Variants in CATSPERB observed in about 807,000 individuals in gnomAD.
CATSPERB encodes catsper channel auxiliary subunit beta, also known as cation channel sperm-associated auxiliary subunit beta.
In CATSPERB, 93 loss-of-function variants were observed where a neutral mutation model predicts 128.3. The observed-to-expected ratio is 0.72, with a 90% CI of 0.61 to 0.86. The LOEUF (loss-of-function observed/expected upper bound fraction) is 0.86. Ranked by LOEUF, CATSPERB falls within the 40% of genes least tolerant of loss-of-function variation. CATSPERB has a pLI of 0.00. For synonymous variants in CATSPERB, 381 were observed against 448.8 expected (o/e 0.85, Z 1.91); for missense variants, 1,153 against 1,329.5 (o/e 0.87, Z 2.06).
Position 91,729,429 on chromosome 14 carries a change from T to C in CATSPERB, c.51A>G (p.Glu17=), listed in dbSNP as rs1369871475. Residue 17 remains glutamate (E), a synonymous_variant, in exon 2 of 27, where the codon GAA becomes GAG. Coordinates refer to ENST00000256343, the MANE Select transcript of CATSPERB (RefSeq NM_024764.4). ...YVSVLLLNIF[E]FSSGIVYNKD... is the part of the protein sequence containing the mutation. ...TATTATATACTATTCCTGATGAAAA[T>C]TCAAATATGTTCAAAAGCAAAACTG... The C allele has an allele frequency of 3.3e-6, 5 of 1,519,888 alleles. No homozygotes were observed. The highest frequency in any genetic ancestry group is 4.5e-6 in the Non-Finnish European group (5 of 1,103,640). 94.2% of individuals were successfully genotyped at this position (1,519,888 alleles called of 1,614,324 possible).
At chr14:91,672,181 C>G (rs942523186) in intron 13 of CATSPERB, among the ~76,000 whole-genome samples, 6 of 152,186 alleles carry the variant, frequency 3.9e-5, no homozygotes, top group Admixed American at 3.9e-4. Context: ...CAAGGCTCCA[C>G]TCATTGAACA....
chr14:91,670,126 C>T (rs1011046766), intron 13 of CATSPERB, among the ~76,000 whole-genome samples, 154 bp from the exon 14 acceptor site: 5 of 152,200 alleles, frequency 3.3e-5, no homozygotes, highest in Non-Finnish European at 7.3e-5. Context: ...CTTTACTCCA[C>T]CACTCTGGCC....
intron 17 of CATSPERB, among the ~76,000 whole-genome samples, chr14:91,625,890 T>G (rs1894150330): frequency 6.6e-6 from 1 of 152,184 alleles, no homozygotes. Context: ...CTTTGGGAGC[T>G]GAGGCAGGCA....
chr14:91,702,696 A>ACACACT (rs918427798), intron 7 of CATSPERB, among the ~76,000 whole-genome samples: 1 of 151,548 alleles, frequency 6.6e-6, no homozygotes, highest in Non-Finnish European at 1.5e-5. Flanking sequence ...ACACACACAC[A>ACACACT]CACACACACA....
intron 10 of CATSPERB, 22 bp downstream of exon 10, chr14:91,691,501 T>C: frequency 6.3e-7 from 1 of 1,580,528 alleles, no homozygotes; most frequent in Non-Finnish European, 8.6e-7. Flanking sequence ...TAACCAGCCC[T>C]GGGAAATATA....
At chr14:91,721,297 A>G (rs568714296) in intron 4 of CATSPERB, among the ~76,000 whole-genome samples, 1 of 152,334 alleles carries the variant, frequency 6.6e-6, no homozygotes, top group African/African-American at 2.4e-5. Flanking sequence ...CAACGCATAG[A>G]ATGAGAGAAA....
chr14:91,660,733 G>T (rs181534990), intron 14 of CATSPERB, among the ~76,000 whole-genome samples: 56 of 152,208 alleles, frequency 3.7e-4, no homozygotes, highest in South Asian at 1.2e-3. Flanking sequence ...TATAAATATG[G>T]CTGAAGAATC....
At chr14:91,721,815 A>G (rs1202394602) in intron 4 of CATSPERB, among the ~76,000 whole-genome samples, 4 of 150,510 alleles carry the variant, frequency 2.7e-5, no homozygotes, top group Admixed American at 1.3e-4. Flanking sequence ...GCACCACTGC[A>G]CTCCAGCCTG....
intron 15 of CATSPERB, among the ~76,000 whole-genome samples, chr14:91,642,790 G>C (rs1052840040): frequency 2.1e-5 from 3 of 144,666 alleles, no homozygotes; most frequent in Admixed American, 7.0e-5. Context: ...AATGGTACCA[G>C]TTCTTCCTTG....
At chr14:91,655,630 A>G (rs1566720155) in intron 15 of CATSPERB, among the ~76,000 whole-genome samples, 2 of 152,192 alleles carry the variant, frequency 1.3e-5, no homozygotes, top group Non-Finnish European at 2.9e-5. Context: ...CCACTTAAAA[A>G]TACACAATTA....
intron 10 of CATSPERB, among the ~76,000 whole-genome samples, chr14:91,686,280 G>GGGAC (rs1895374502): frequency 6.6e-6 from 1 of 152,110 alleles, no homozygotes; most frequent in South Asian, 2.1e-4. Context: ...CATGAAAGTA[G>GGGAC]GGACTTTGTC....
At chr14:91,608,491 AG>A (rs1595144268) in intron 21 of CATSPERB, 87 bp from the exon 22 acceptor site, 2 of 828,174 alleles carry the variant, frequency 2.4e-6, no homozygotes, top group Non-Finnish European at 3.8e-6. Context: ...AAACCAATCA[AG>A]GCAAAAATTC....
At chr14:91,587,849 G>T (rs778324404) in intron 25 of CATSPERB, 129 bp downstream of exon 25, 2 of 673,594 alleles carry the variant, frequency 3.0e-6, no homozygotes, top group Non-Finnish European at 5.2e-6. Context: ...TACTTTAAAG[G>T]TATATACTTT....
intron 18 of CATSPERB, among the ~76,000 whole-genome samples, chr14:91,622,176 TA>T (rs983136145): frequency 6.6e-6 from 1 of 151,250 alleles, no homozygotes; most frequent in Admixed American, 6.6e-5. Flanking sequence ...TTTTTGGCAG[TA>T]AAAAACCATG....
chr14:91,586,571 A>AGAG (rs374162982), intron 26 of CATSPERB, among the ~76,000 whole-genome samples: 48 of 114,236 alleles, frequency 4.2e-4, no homozygotes, highest in African/African-American at 1.7e-3. Context: ...GAGAGAGAGA[A>AGAG]AGAGAGAGAG....
At chr14:91,729,532 A>T in intron 1 of CATSPERB, 53 bp from the exon 2 acceptor site, 1 of 992,448 alleles carries the variant, frequency 1.0e-6, no homozygotes, top group Non-Finnish European at 1.5e-6. Context: ...ATATTTTTGA[A>T]TTCCTTTTGC....
Position 91,688,809 on chromosome 14 carries a change from A to G in CATSPERB, c.864+2714T>C, listed in dbSNP as rs554004258. On this transcript the variant is annotated intron_variant, in intron 10 of 26. Transcript: ENST00000256343. ...TATTGATATTGACTGTGTTCTTGCTAATACCTCAGTGCCAATGATGGTAAT... is the reference window on the plus strand; with the variant it reads ...TATTGATATTGACTGTGTTCTTGCTGATACCTCAGTGCCAATGATGGTAAT... 3.3e-5 allele frequency among the ~76,000 whole-genome samples: 5 copies of G among 152,308 alleles called. No individual in the cohort carries two copies. In the South Asian group the frequency reaches 1.0e-3, roughly 32 times the overall value.
intron 7 of CATSPERB, among the ~76,000 whole-genome samples, chr14:91,698,162 G>A (rs1314270551): frequency 1.3e-5 from 2 of 151,966 alleles, no homozygotes; most frequent in South Asian, 2.1e-4. Flanking sequence ...TTGTGCTCTC[G>A]ATTTGGCTCT....
intron 22 of CATSPERB, among the ~76,000 whole-genome samples, chr14:91,599,748 C>A (rs1183454493): frequency 6.6e-6 from 1 of 152,084 alleles, no homozygotes; most frequent in East Asian, 1.9e-4. Context: ...CAACTTGAAG[C>A]AAAGGCACCA....
Sources: allele counts gnomAD v4.1 joint callset (sites outside exome capture counted in the v4.1 genomes callset), GRCh38; gene constraint gnomAD v4.1.1; transcripts MANE v1.5; gene names NCBI Gene and HGNC (gene_info 2026-07-23, HGNC 2026-07-21).